ANO1: variants seen among roughly 807,000 people sequenced by gnomAD.
The protein encoded by ANO1 is anoctamin 1, also known as anoctamin-1.
A neutral mutation model predicts 124.0 loss-of-function variants in ANO1; 59 were observed. That is an observed-to-expected ratio of 0.48 (90% CI 0.39 to 0.59). ANO1 has a LOEUF of 0.59. ANO1 is among the 20% of genes least tolerant of loss of function. ANO1 has a pLI of 0.00. For synonymous variants in ANO1, 529 were observed against 532.0 expected (o/e 0.99, Z 0.08); for missense variants, 1,059 against 1,328.0 (o/e 0.80, Z 3.15).
intron 1 of ANO1, among the ~76,000 whole-genome samples, chr11:69,994,109 C>CT (rs1374724509): frequency 6.6e-6 from 1 of 151,282 alleles, no homozygotes; most frequent in Non-Finnish European, 1.5e-5. Flanking sequence ...GTTAACCCCC[C>CT]CCCACAGTCA....
At chr11:69,990,842 T>A (rs1026394645) in intron 1 of ANO1, among the ~76,000 whole-genome samples, 1 of 152,304 alleles carries the variant, frequency 6.6e-6, no homozygotes, top group East Asian at 1.9e-4. Flanking sequence ...ATTGTAGGAG[T>A]TTTTATAGAG....
rs948796958 is a variant in ANO1 at position 70,142,438 on chromosome 11, C to G, written c.1259-7272C>G. On this transcript the variant is annotated intron_variant, in intron 11 of 25. Transcript: ENST00000355303. ...TCCAGGGATAAATAGGTAGGGTGCC[C>G]GGTGACTCAGAGCGAAAGAGAAGGC... Among the ~76,000 whole-genome samples the G allele has an allele frequency of 2.0e-5, 3 of 152,066 alleles. No individual in the cohort carries two copies. The East Asian group carries it at 5.8e-4, about 29-fold the overall frequency.
chr11:70,084,069 G>T (rs550628666), intron 1 of ANO1, among the ~76,000 whole-genome samples: 2 of 152,256 alleles, frequency 1.3e-5, no homozygotes, highest in African/African-American at 4.8e-5. Context: ...GGGAAGGCCT[G>T]GGGGAGGGGG....
intron 8 of ANO1, among the ~76,000 whole-genome samples, chr11:70,123,364 T>C (rs1893085): frequency 0.83 from 126,591 of 152,140 alleles, 52,824 homozygotes; most frequent in Middle Eastern, 0.91. Context: ...TGTTTGTCAG[T>C]GGGGGGTCTC....
At chr11:70,134,546 A>G (rs911213100) in intron 11 of ANO1, among the ~76,000 whole-genome samples, 1 of 152,188 alleles carries the variant, frequency 6.6e-6, no homozygotes, top group Admixed American at 6.5e-5. Context: ...CTTACTCTAA[A>G]TAGGTGGTCA....
At chr11:69,982,616 G>C (rs1262617542), upstream of ANO1, among the ~76,000 whole-genome samples, 3 of 152,214 alleles carry the variant, frequency 2.0e-5, no homozygotes, top group African/African-American at 7.2e-5. Flanking sequence ...CTGTTGCCAA[G>C]ACCCATTTTA....
intron 12 of ANO1, 66 bp from the exon 13 acceptor site, chr11:70,152,384 T>C: frequency 8.0e-6 from 12 of 1,494,458 alleles, no homozygotes; most frequent in Non-Finnish European, 1.1e-5. Context: ...AGGTCCTATT[T>C]CTAAAATAAC....
At position 70,006,584 on chromosome 11, in the gene ANO1, TTACTTTCTTTCTTTCC is replaced by T. The variant is rs1555000084; in HGVS notation, c.58+20420_58+20435del. 5.0e-5 allele frequency among the ~76,000 whole-genome samples: 7 copies of T among 139,224 alleles called. No individual in the cohort carries two copies. The East Asian group carries it at 1.6e-3, about 32-fold the overall frequency. 91.3% of individuals were successfully genotyped at this position (139,224 alleles called of 152,430 possible). A position where few individuals can be genotyped will look rare whatever the true frequency, so the allele number is the denominator to read the frequency against. On this transcript the variant is annotated intron_variant, in intron 1 of 27. Coordinates refer to the ANO1 transcript ENST00000531349. ...TTTCTTTTCTTTCTTTCTTTCTTAC[TTACTTTCTTTCTTTCC>T]TTCTTTCTTTCTCTTTCTTTCTTTC...
chr11:70,047,755 G>A (rs797043723), intron 1 of ANO1, among the ~76,000 whole-genome samples: 3 of 152,294 alleles, frequency 2.0e-5, no homozygotes, highest in African/African-American at 7.2e-5. Flanking sequence ...AAAAATGGAG[G>A]CATCAGCATC....
chr11:70,088,847 CGTT>C (rs2044504452), intron 2 of ANO1, among the ~76,000 whole-genome samples: 1 of 152,178 alleles, frequency 6.6e-6, no homozygotes, highest in African/African-American at 2.4e-5. Flanking sequence ...CCCTGGGAGT[CGTT>C]GGTGCTCTGA....
intron 19 of ANO1, 40 bp from the exon 20 acceptor site, chr11:70,165,430 G>A: frequency 6.5e-7 from 1 of 1,542,524 alleles, no homozygotes; most frequent in Non-Finnish European, 8.8e-7. Flanking sequence ...CCCTCTCTCG[G>A]TGTCCCTGTA....
chr11:70,156,017 G>A (rs1279890489), intron 15 of ANO1, 29 bp downstream of exon 15: 15 of 1,471,756 alleles, frequency 1.0e-5, no homozygotes, highest in African/African-American at 2.9e-5. Context: ...GGCAGCGCGC[G>A]TCTTGACTGT....
At chr11:70,021,725 G>T (rs537660280) in intron 1 of ANO1, among the ~76,000 whole-genome samples, 2 of 152,176 alleles carry the variant, frequency 1.3e-5, no homozygotes, top group African/African-American at 4.8e-5. Flanking sequence ...GCAAGGCCTC[G>T]GGAGCCAGGC....
intron 1 of ANO1, among the ~76,000 whole-genome samples, chr11:70,060,384 A>AC (rs1857546946): frequency 6.6e-6 from 1 of 152,202 alleles, no homozygotes; most frequent in African/African-American, 2.4e-5. Flanking sequence ...CCATCGATAA[A>AC]CCAAGTGTGG....
At chr11:70,103,938 A>G in intron 3 of ANO1, 61 bp from the exon 4 acceptor site, 2 of 1,550,364 alleles carry the variant, frequency 1.3e-6, no homozygotes, top group East Asian at 4.6e-5. Context: ...CCGAGAACAG[A>G]TTCCACGGAT....
intron 1 of ANO1, among the ~76,000 whole-genome samples, chr11:70,007,273 CT>C (rs71046569): frequency 0.2 from 27,507 of 134,212 alleles, 2,844 homozygotes; most frequent in Middle Eastern, 0.25. Context: ...TCCTTTCTTT[CT>C]TTTTTTTTTT....
At chr11:70,102,974 T>C in intron 2 of ANO1, 92 bp from the exon 3 acceptor site, 2 of 860,654 alleles carry the variant, frequency 2.3e-6, no homozygotes, top group South Asian at 1.7e-5. Flanking sequence ...CAGTAGCTGC[T>C]CGATAAATTG....
chr11:70,100,116 C>T (rs1411023713), intron 2 of ANO1, among the ~76,000 whole-genome samples: 1 of 152,180 alleles, frequency 6.6e-6, no homozygotes. Flanking sequence ...CCTGCTGTCT[C>T]CCTGAAGCAG....
chr11:70,043,548 A>C (rs60795033), intron 1 of ANO1, among the ~76,000 whole-genome samples: 5,180 of 152,260 alleles, frequency 0.034, 132 homozygotes, highest in East Asian at 0.11. Context: ...AAACTGCTGA[A>C]AACAAGTAAT....
Sources: gnomAD v4.1 joint callset for allele counts (sites outside exome capture counted in the v4.1 genomes callset) on GRCh38, gnomAD v4.1.1 for gene constraint, MANE v1.5 for transcripts, NCBI Gene and HGNC (gene_info 2026-07-23, HGNC 2026-07-21) for gene names.